DHRSX: variants seen among roughly 807,000 people sequenced by gnomAD.
The protein encoded by DHRSX is dehydrogenase/reductase X-linked, also known as polyprenol dehydrogenase.
A neutral mutation model predicts 34.0 loss-of-function variants in DHRSX; 31 were observed. That is an observed-to-expected ratio of 0.91 (90% CI 0.69 to 1.23). DHRSX has a LOEUF of 1.23. Among genes scored for constraint, DHRSX ranks in the 50% most tolerant of loss-of-function variants. DHRSX has a pLI of 0.00. For synonymous variants in DHRSX, 201 were observed against 183.8 expected (o/e 1.09, Z -0.76); for missense variants, 414 against 428.1 (o/e 0.97, Z 0.29).
intron 4 of DHRSX, among the ~76,000 whole-genome samples, chrX:2,272,274 T>C (rs1428129093): frequency 6.6e-6 from 1 of 152,162 alleles, no homozygotes; most frequent in Non-Finnish European, 1.5e-5. Flanking sequence ...GTGAAGAATC[T>C]GGAGACACAC....
chrX:2,360,322 C>G (rs953872556), intron 3 of DHRSX, among the ~76,000 whole-genome samples: 1 of 152,172 alleles, frequency 6.6e-6, no homozygotes, highest in Non-Finnish European at 1.5e-5. Flanking sequence ...TGGTGGCTCA[C>G]GCCTGTAATC....
chrX:2,490,347 C>A, intron 1 of DHRSX: 1 of 1,613,356 alleles, frequency 6.2e-7, no homozygotes, highest in South Asian at 1.1e-5. Context: ...GCCGTCAGCT[C>A]CTGCTGCTTC....
intron 3 of DHRSX, among the ~76,000 whole-genome samples, chrX:2,361,040 G>C (rs1324625083): frequency 4.6e-5 from 7 of 152,136 alleles, no homozygotes; most frequent in Non-Finnish European, 7.4e-5. Flanking sequence ...CTACCTACTG[G>C]CTGGCTGGAG....
At chrX:2,416,685 GA>G (rs895685911) in intron 2 of DHRSX, among the ~76,000 whole-genome samples, 1 of 151,598 alleles carries the variant, frequency 6.6e-6, no homozygotes, top group African/African-American at 2.4e-5. Context: ...TGAGCATTAT[GA>G]AAAAAAATGA....
chrX:2,425,996 G>GA (rs2043841879), intron 1 of DHRSX, among the ~76,000 whole-genome samples: 1 of 152,102 alleles, frequency 6.6e-6, no homozygotes, highest in African/African-American at 2.4e-5. Flanking sequence ...GGGTGGTTAG[G>GA]GCAGGTGGAG....
intron 3 of DHRSX, among the ~76,000 whole-genome samples, chrX:2,380,390 T>C (rs1210190334): frequency 3.5e-5 from 5 of 144,024 alleles, no homozygotes; most frequent in Admixed American, 7.0e-5. Context: ...CATGGAACTA[T>C]ACAACCTTAG....
chrX:2,498,848 G>A (rs536911974), intron 1 of DHRSX, among the ~76,000 whole-genome samples: 7 of 152,148 alleles, frequency 4.6e-5, no homozygotes, highest in African/African-American at 9.6e-5. Flanking sequence ...GCTGTAAACC[G>A]TTCACCTTGC....
chrX:2,478,897 A>G (rs932686091), intron 1 of DHRSX, among the ~76,000 whole-genome samples: 6 of 151,668 alleles, frequency 4.0e-5, no homozygotes, highest in African/African-American at 7.3e-5. Flanking sequence ...TTCCCTAAGT[A>G]TGTGGCTAAG....
chrX:2,285,543 C>T (rs2041794256), intron 4 of DHRSX, among the ~76,000 whole-genome samples: 1 of 151,748 alleles, frequency 6.6e-6, no homozygotes, highest in South Asian at 2.1e-4. Flanking sequence ...GCTGTAAATA[C>T]AGATGAAGCT....
At chrX:2,304,245 A>G (rs1253755926) in intron 3 of DHRSX, among the ~76,000 whole-genome samples, 30 of 78,496 alleles carry the variant, frequency 3.8e-4, no homozygotes, top group South Asian at 4.6e-4. Context: ...GGATGGATAA[A>G]TGGATGGATG....
intron 5 of DHRSX, among the ~76,000 whole-genome samples, chrX:2,246,485 T>G (rs2016284793): frequency 6.6e-6 from 1 of 151,696 alleles, no homozygotes; most frequent in Admixed American, 6.6e-5. Context: ...TAGCTGGACG[T>G]GCTGGCGGGT....
chrX:2,407,623 CAT>C (rs2043573131), intron 3 of DHRSX, among the ~76,000 whole-genome samples: 1 of 152,164 alleles, frequency 6.6e-6, no homozygotes, highest in Non-Finnish European at 1.5e-5. Flanking sequence ...TATTCGGGAG[CAT>C]TTGCAAAACC....
chrX:2,238,014 T>C (rs1404195447), intron 6 of DHRSX, among the ~76,000 whole-genome samples: 2 of 152,140 alleles, frequency 1.3e-5, no homozygotes, highest in Non-Finnish European at 2.9e-5. Flanking sequence ...TGAGACCATC[T>C]GCATGTCTCA....
chrX:2,352,114 T>C (rs1353204901), intron 3 of DHRSX, among the ~76,000 whole-genome samples: 2 of 152,078 alleles, frequency 1.3e-5, no homozygotes, highest in Non-Finnish European at 1.5e-5. Flanking sequence ...CTGGCAGTCA[T>C]AGGGGATCAG....
intron 3 of DHRSX, among the ~76,000 whole-genome samples, chrX:2,291,908 T>TTTC (rs2041871506): frequency 6.7e-6 from 1 of 148,786 alleles, no homozygotes; most frequent in Non-Finnish European, 1.5e-5. Context: ...TTTTTTTTTT[T>TTTC]TTTTTTTTTT....
chrX:2,282,711 GGAAGGAGA>G (rs2041730525), intron 4 of DHRSX, among the ~76,000 whole-genome samples: 1 of 137,262 alleles, frequency 7.3e-6, no homozygotes, highest in African/African-American at 2.7e-5. Flanking sequence ...AGAGAGGGAA[GGAAGGAGA>G]GAGGGAGGGA....
chrX:2,425,071 T>A, intron 2 of DHRSX, 126 bp downstream of exon 2: 17 of 683,978 alleles, frequency 2.5e-5, no homozygotes. Flanking sequence ...ACCCAGGAGG[T>A]GGAGGCTGCA....
intron 3 of DHRSX, among the ~76,000 whole-genome samples, chrX:2,403,722 G>A (rs1402717125): frequency 6.6e-6 from 1 of 151,982 alleles, no homozygotes; most frequent in East Asian, 1.9e-4. Context: ...CGGGCCTGGT[G>A]GTGGGTGTCT....
chrX:2,484,327 A>G (rs1053337955), intron 1 of DHRSX, among the ~76,000 whole-genome samples: 2 of 152,180 alleles, frequency 1.3e-5, no homozygotes, highest in Non-Finnish European at 2.9e-5. Context: ...CAGAGAATGC[A>G]TGGTCCGCGG....
Sources: allele counts gnomAD v4.1 joint callset (sites outside exome capture counted in the v4.1 genomes callset), GRCh38; gene constraint gnomAD v4.1.1; transcripts MANE v1.5; gene names NCBI Gene and HGNC (gene_info 2026-07-23, HGNC 2026-07-21).